The following ZNF804A variants were observed in gnomAD, a reference collection of about 807,000 sequenced individuals.
ZNF804A encodes the protein zinc finger protein 804A.
A neutral mutation model predicts 16.5 loss-of-function variants in ZNF804A; 2 were observed. The ratio of observed to expected loss-of-function variants is 0.12; its 90% confidence interval spans 0.05 to 0.38. The LOEUF is 0.38. ZNF804A is among the 10% of genes least tolerant of loss of function. The pLI is 0.99. For synonymous variants in ZNF804A, 534 were observed against 489.6 expected (o/e 1.09, Z -1.20); for missense variants, 1,473 against 1,390.7 (o/e 1.06, Z -0.94).
At chr2:184,838,307 C>T (rs7580721) in intron 1 of ZNF804A, among the ~76,000 whole-genome samples, 6,138 of 152,104 alleles carry the variant, frequency 0.04, 395 homozygotes, top group African/African-American at 0.14. Flanking sequence ...ATAGATTCTG[C>T]CACCAAAGCT....
chr2:184,726,156 G>A (rs1005406748), intron 1 of ZNF804A, among the ~76,000 whole-genome samples: 2 of 151,598 alleles, frequency 1.3e-5, no homozygotes, highest in Non-Finnish European at 3.0e-5. Flanking sequence ...ATGCCCAGAA[G>A]TGCAATTGCT....
chr2:184,658,237 A>T (rs954599895), intron 1 of ZNF804A, among the ~76,000 whole-genome samples: 3 of 152,150 alleles, frequency 2.0e-5, no homozygotes. Context: ...TAATCCCTGC[A>T]CTTTGGGAGG....
chr2:184,841,742 T>C (rs922528630), intron 1 of ZNF804A, among the ~76,000 whole-genome samples: 3 of 152,172 alleles, frequency 2.0e-5, no homozygotes, highest in Non-Finnish European at 1.5e-5. Context: ...CCTTAAATGT[T>C]TAATTTATAT....
At chr2:184,604,328 G>T (rs1422159219) in intron 1 of ZNF804A, among the ~76,000 whole-genome samples, 1 of 151,336 alleles carries the variant, frequency 6.6e-6, no homozygotes, top group South Asian at 2.1e-4. Flanking sequence ...CCGCCATCGC[G>T]CCCGGCTAAT....
At chr2:184,728,612 A>G (rs1379214656) in intron 1 of ZNF804A, among the ~76,000 whole-genome samples, 1 of 151,918 alleles carries the variant, frequency 6.6e-6, no homozygotes, top group Non-Finnish European at 1.5e-5. Flanking sequence ...ATTCCTCAGT[A>G]CAGAAATCTG....
At chr2:184,623,043 GTGGGTTATA>G (rs958299492) in intron 1 of ZNF804A, among the ~76,000 whole-genome samples, 1 of 152,152 alleles carries the variant, frequency 6.6e-6, no homozygotes, top group East Asian at 1.9e-4. Flanking sequence ...AAAATTAGCA[GTGGGTTATA>G]TGAGCAACAA....
At chr2:184,763,561 T>A (rs1240618761) in intron 1 of ZNF804A, among the ~76,000 whole-genome samples, 2 of 151,548 alleles carry the variant, frequency 1.3e-5, no homozygotes, top group African/African-American at 2.4e-5. Context: ...TTAATTTATT[T>A]CTCTGAATAT....
chr2:184,755,750 A>G (rs1693950061), intron 1 of ZNF804A, among the ~76,000 whole-genome samples: 1 of 151,964 alleles, frequency 6.6e-6, no homozygotes, highest in African/African-American at 2.4e-5. Flanking sequence ...ATACATTTGT[A>G]AAAGATGTGT....
chr2:184,730,151 T>C (rs902669196), intron 1 of ZNF804A, among the ~76,000 whole-genome samples: 2 of 152,286 alleles, frequency 1.3e-5, no homozygotes, highest in Admixed American at 1.3e-4. Context: ...TTTAATAAGC[T>C]TATAATATCC....
rs577485041 is a variant in ZNF804A, at chr2:184,910,524, G to A, written c.256-23079G>A. On this transcript the variant is annotated intron_variant, in intron 2 of 3. Transcript: ENST00000302277. ...AATTGCTGAGTCAAATGGTAATTGT[G>A]CTTTGAGTTATTTGAGAAATTGCCA... Among the ~76,000 whole-genome samples, 10 of 152,062 alleles carry A rather than the reference G, an allele frequency of 6.6e-5. No homozygotes were observed. In the South Asian group the frequency reaches 2.1e-3, roughly 32 times the overall value.
At chr2:184,643,505 A>T (rs772527177) in intron 1 of ZNF804A, among the ~76,000 whole-genome samples, 1 of 151,978 alleles carries the variant, frequency 6.6e-6, no homozygotes, top group Non-Finnish European at 1.5e-5. Context: ...CTTACAGTAT[A>T]CCTATAACTC....
chr2:184,883,943 A>G (rs1195014162), intron 2 of ZNF804A, among the ~76,000 whole-genome samples: 1 of 151,860 alleles, frequency 6.6e-6, no homozygotes, highest in African/African-American at 2.4e-5. Flanking sequence ...TACTAGAGGT[A>G]TTTTACTAGC....
At chr2:184,680,926 T>C (rs1692528930) in intron 1 of ZNF804A, among the ~76,000 whole-genome samples, 1 of 152,034 alleles carries the variant, frequency 6.6e-6, no homozygotes, top group African/African-American at 2.4e-5. Flanking sequence ...GGCATCACTG[T>C]GCCAGCAGTG....
At chr2:184,605,170 C>T (rs992054299) in intron 1 of ZNF804A, among the ~76,000 whole-genome samples, 4 of 152,096 alleles carry the variant, frequency 2.6e-5, no homozygotes, top group African/African-American at 9.6e-5. Context: ...GTCCATTTAA[C>T]TGAGATAGTA....
chr2:184,698,793 T>G (rs184301828), intron 1 of ZNF804A, among the ~76,000 whole-genome samples: 1 of 152,216 alleles, frequency 6.6e-6, no homozygotes, highest in East Asian at 1.9e-4. Flanking sequence ...GTTCTAAGTG[T>G]CACATCCAGA....
intron 1 of ZNF804A, among the ~76,000 whole-genome samples, chr2:184,664,295 T>A (rs1234702209): frequency 2.0e-5 from 3 of 152,204 alleles, no homozygotes; most frequent in African/African-American, 7.2e-5. Context: ...TTTATGGAAC[T>A]ATAAAGGATT....
At chr2:184,868,510 A>G (rs1343070849) in intron 2 of ZNF804A, among the ~76,000 whole-genome samples, 2 of 152,034 alleles carry the variant, frequency 1.3e-5, no homozygotes, top group Admixed American at 6.6e-5. Context: ...GATTAAAAAG[A>G]AAAAAATGCC....
At chr2:184,739,691 C>G (rs1693684482) in intron 1 of ZNF804A, among the ~76,000 whole-genome samples, 1 of 152,130 alleles carries the variant, frequency 6.6e-6, no homozygotes, top group African/African-American at 2.4e-5. Context: ...CATGCTGGGC[C>G]TCATGACTAT....
intron 2 of ZNF804A, among the ~76,000 whole-genome samples, chr2:184,932,282 G>C (rs1685714785): frequency 1.3e-5 from 2 of 152,040 alleles, no homozygotes; most frequent in Non-Finnish European, 2.9e-5. Context: ...TAGTTCTCAT[G>C]CTGCCAGTAA....
Sources: gnomAD v4.1 joint callset for allele counts (sites outside exome capture counted in the v4.1 genomes callset) on GRCh38, gnomAD v4.1.1 for gene constraint, MANE v1.5 for transcripts, NCBI Gene and HGNC (gene_info 2026-07-23, HGNC 2026-07-21) for gene names.